The following NMRK1 variants were observed in gnomAD, a reference collection of about 807,000 sequenced individuals.
NMRK1 encodes the protein nicotinamide riboside kinase 1, also known as NRK 1.
NMRK1 carries 28 observed loss-of-function variants against 29.9 expected under a neutral mutation model. The ratio of observed to expected loss-of-function variants is 0.94; its 90% CI spans 0.69 to 1.28. NMRK1 has a LOEUF of 1.28. Among genes scored for constraint, NMRK1 ranks in the 50% most tolerant of loss-of-function variants. The probability of loss-of-function intolerance (pLI) is 0.00; values close to 1 mark genes in which losing one functional copy is unlikely to be tolerated. For synonymous variants in NMRK1, 58 were observed against 73.0 expected (o/e 0.79, Z 1.05); for missense variants, 218 against 233.1 (o/e 0.94, Z 0.42).
At chr9:75,080,325 T>A (rs1426913604) in intron 2 of NMRK1, among the ~76,000 whole-genome samples, 1 of 152,184 alleles carries the variant, frequency 6.6e-6, no homozygotes, top group Non-Finnish European at 1.5e-5. Context: ...GTGACTGAGT[T>A]TGGATGTTTG....
intron 1 of NMRK1, among the ~76,000 whole-genome samples, chr9:75,086,211 T>G (rs1231232590): frequency 3.3e-5 from 5 of 151,190 alleles, no homozygotes; most frequent in African/African-American, 1.2e-4. Context: ...CTGCCTCCCA[T>G]AAAACCAAAA....
In NMRK1 at chr9:75,060,831, A is replaced by G. The variant is rs1279158339; in HGVS notation, c.*717T>C. ...CCCTATTTGTAACAAAGTCTCAACA[A>G]TGAGATACAATGGTATTAGATACAC... On this transcript the variant is annotated 3_prime_UTR_variant, in exon 9 of 9. Transcript: ENST00000361092. 1 of 148,510 alleles carries G rather than the reference A, an allele frequency of 6.7e-6. No homozygotes were observed. Among genetic ancestry groups the G allele is most frequent in the African/African-American group, 2.5e-5 (1 of 39,660 alleles). 9.2% of individuals were successfully genotyped at this position (148,510 alleles called of 1,614,324 possible).
At chr9:75,080,647 C>CA (rs1458438104) in intron 2 of NMRK1, among the ~76,000 whole-genome samples, 1 of 152,060 alleles carries the variant, frequency 6.6e-6, no homozygotes, top group Non-Finnish European at 1.5e-5. Flanking sequence ...GACTCTGTCT[C>CA]AAAAAAGAAA....
At position 75,066,749 on chromosome 9, in the gene NMRK1, A is replaced by G. The variant is rs750823622; in HGVS notation, c.580+8T>C. On this transcript the variant is annotated splice_region_variant and intron_variant, in intron 8 of 8. Transcript: ENST00000361092. Reference sequence around the variant, plus strand: ...CTCTACCATCCACTTTGTTAGCACAATACTTACACTTTTGCTTTGCTAGTT... The same window carrying G: ...CTCTACCATCCACTTTGTTAGCACAGTACTTACACTTTTGCTTTGCTAGTT... The G allele has an allele frequency of 8.0e-6, 12 of 1,500,762 alleles. No homozygotes were observed. The highest frequency in any genetic ancestry group is 1.4e-5 in the African/African-American group (1 of 72,504). 93.0% of individuals were successfully genotyped at this position (1,500,762 alleles called of 1,614,324 possible).
chr9:75,080,047 A>T (rs183173952), intron 2 of NMRK1, among the ~76,000 whole-genome samples: 4 of 152,304 alleles, frequency 2.6e-5, no homozygotes, highest in Non-Finnish European at 1.5e-5. Context: ...AAGAGGGCTC[A>T]TTGTATTTGG....
At chr9:75,087,552 T>A (rs1045066910) in intron 1 of NMRK1, 1 of 152,042 alleles carries the variant, frequency 6.6e-6, no homozygotes. Context: ...AATCGTAATT[T>A]CATGTAATTT....
chr9:75,079,088 A>C (rs1374405323), intron 2 of NMRK1, among the ~76,000 whole-genome samples: 2 of 152,234 alleles, frequency 1.3e-5, no homozygotes, highest in Non-Finnish European at 1.5e-5. Flanking sequence ...TCAATCCACA[A>C]ATACTTATAA....
Position 75,085,726 on chromosome 9 carries a change from G to GTTTT in NMRK1, c.-36+2278_-36+2281dup, listed in dbSNP as rs58741153. On this transcript the variant is annotated intron_variant, in intron 1 of 8. Transcript: ENST00000361092. ...ATCTCTCAGATACAGTCAAATGTAA[G>GTTTT]TTTTTTTTTTTTTTTTTTTTTTTTT... Among the ~76,000 whole-genome samples, 32 of 85,142 alleles carry GTTTT rather than the reference G, an allele frequency of 3.8e-4. No individual in the cohort carries two copies. The East Asian group carries it at 3.8e-3, about 10-fold the overall frequency. The allele number at this position is 85,142 out of a possible 152,430, so 55.9% of individuals were successfully genotyped here.
At chr9:75,072,090 A>G (rs537197351) in intron 4 of NMRK1, among the ~76,000 whole-genome samples, 1 of 152,298 alleles carries the variant, frequency 6.6e-6, no homozygotes, top group Admixed American at 6.5e-5. Context: ...AGTAGGGTGG[A>G]TATTATCAAA....
chr9:75,086,344 C>T (rs1030745323), intron 1 of NMRK1, among the ~76,000 whole-genome samples: 4 of 152,186 alleles, frequency 2.6e-5, no homozygotes, highest in African/African-American at 4.8e-5. Context: ...TTTCAGGGCA[C>T]GTCTATCACT....
chr9:75,074,169 C>T (rs1002634807), intron 4 of NMRK1, among the ~76,000 whole-genome samples: 4 of 151,674 alleles, frequency 2.6e-5, no homozygotes, highest in Non-Finnish European at 2.9e-5. Flanking sequence ...GTGATTCTCC[C>T]GCTTCGGCTT....
chr9:75,077,088 A>G, intron 4 of NMRK1, 71 bp downstream of exon 4: 1 of 903,888 alleles, frequency 1.1e-6, no homozygotes, highest in Non-Finnish European at 1.8e-6. Flanking sequence ...ACTTCAACAT[A>G]GTGAAGTTCT....
chr9:75,082,967 C>T (rs772907005), intron 2 of NMRK1, 120 bp downstream of exon 2: 1 of 748,994 alleles, frequency 1.3e-6, no homozygotes, highest in South Asian at 1.6e-5. Flanking sequence ...CCACAGTGGT[C>T]TGCTCTTCCC....
intron 7 of NMRK1, 98 bp downstream of exon 7, chr9:75,068,898 A>T (rs1025408999): frequency 4.0e-5 from 29 of 733,342 alleles, no homozygotes; most frequent in Non-Finnish European, 6.3e-5. Context: ...GTTCTTGCTT[A>T]AGCATCCCTT....
intron 8 of NMRK1, among the ~76,000 whole-genome samples, chr9:75,065,731 G>A (rs1318359442): frequency 6.6e-6 from 1 of 152,188 alleles, no homozygotes; most frequent in Non-Finnish European, 1.5e-5. Context: ...ATAGTGATTG[G>A]TTTGGCAAGT....
intron 1 of NMRK1, among the ~76,000 whole-genome samples, chr9:75,083,515 T>G (rs2118260526): frequency 1.3e-5 from 2 of 152,342 alleles, no homozygotes; most frequent in Middle Eastern, 6.8e-3. Context: ...TGGGTATGAC[T>G]CATTATCAGT....
chr9:75,085,904 G>C (rs1824598587), intron 1 of NMRK1, among the ~76,000 whole-genome samples: 1 of 120,164 alleles, frequency 8.3e-6, no homozygotes, highest in Non-Finnish European at 1.6e-5. Context: ...AGAGACAAGA[G>C]AGGCAACTGG....
At chr9:75,067,045 A>G (rs188507030) in intron 7 of NMRK1, 46 of 439,236 alleles carry the variant, frequency 1.0e-4, no homozygotes, top group African/African-American at 8.2e-4. Context: ...ATTGTTACAG[A>G]TAAATCCACA....
Position 75,061,389 on chromosome 9 carries a change from T to C in NMRK1, c.*159A>G, listed in dbSNP as rs1045882. The C allele has an allele frequency of 0.15, 94,034 of 641,398 alleles. 7,907 individuals are homozygous for C. Among genetic ancestry groups the C allele is most frequent in the Admixed American group, 0.19 (6,230 of 32,006 alleles). 39.7% of individuals were successfully genotyped at this position (641,398 alleles called of 1,614,324 possible). ...TCCTGTCCATTGGCATGGATATTTA[T>C]TGTTCCACATGTTGGGAAAACCATG... On this transcript the variant is annotated 3_prime_UTR_variant, in exon 9 of 9. Coordinates refer to ENST00000361092, the MANE Select transcript of NMRK1 (RefSeq NM_017881.3).
Sources: gnomAD v4.1 joint callset for allele counts (sites outside exome capture counted in the v4.1 genomes callset) on GRCh38, gnomAD v4.1.1 for gene constraint, MANE v1.5 for transcripts, NCBI Gene and HGNC (gene_info 2026-07-23, HGNC 2026-07-21) for gene names.